CRIM1: variants seen among roughly 807,000 people sequenced by gnomAD.
The protein encoded by CRIM1 is cysteine rich transmembrane BMP regulator 1.
CRIM1 carries 32 observed loss-of-function variants against 116.4 expected under a neutral mutation model. The observed-to-expected ratio is 0.27, with a 90% CI of 0.21 to 0.37. CRIM1 has a LOEUF of 0.37. CRIM1 is among the 10% of genes least tolerant of loss of function. The pLI, the probability that CRIM1 is intolerant of heterozygous loss-of-function variation, is 1.00. For synonymous variants in CRIM1, 590 were observed against 509.2 expected, an observed-to-expected ratio of 1.16 and a Z score of -2.13; for missense variants, 1,331 against 1,354.8, an observed-to-expected ratio of 0.98 and a Z score of 0.28.
At chr2:36,417,018 G>C (rs1438005728) in intron 2 of CRIM1, among the ~76,000 whole-genome samples, 1 of 152,190 alleles carries the variant, frequency 6.6e-6, no homozygotes, top group Non-Finnish European at 1.5e-5. Context: ...GGTCAGTTTA[G>C]ATGTTTCAGC....
rs1435778159 is a variant in CRIM1, at chr2:36,495,457, C to G, written c.1373-3762C>G. On this transcript the variant is annotated intron_variant, in intron 7 of 16. Coordinates refer to ENST00000280527, the MANE Select transcript of CRIM1 (RefSeq NM_016441.3). The stretch of plus-strand genomic sequence containing the variant: ...ATACTTTGCTCACACTCCCTCAAGC[C>G]TCTTTATTTATTTATTTATTTTTTT... Among the ~76,000 whole-genome samples, 7 of 148,186 alleles carry G rather than the reference C, an allele frequency of 4.7e-5. No individual in the cohort carries two copies. In the South Asian group the frequency reaches 1.3e-3, roughly 27 times the overall value.
At chr2:36,470,864 C>T (rs1678449664) in intron 5 of CRIM1, among the ~76,000 whole-genome samples, 1 of 152,078 alleles carries the variant, frequency 6.6e-6, no homozygotes. Context: ...AATTGAAAAC[C>T]TTCTGCAAAG....
chr2:36,445,693 A>G (rs940861269), intron 4 of CRIM1, among the ~76,000 whole-genome samples: 1 of 152,176 alleles, frequency 6.6e-6, no homozygotes, highest in Admixed American at 6.5e-5. Flanking sequence ...AGTTTAGCAT[A>G]TTCAGTGGAT....
chr2:36,360,439 TA>T lies in CRIM1; in HGVS notation c.331+3821del, dbSNP rs374661877. Among the ~76,000 whole-genome samples the T allele has an allele frequency of 4.4e-3, 677 of 152,348 alleles. 4 individuals are homozygous for T. The highest frequency in any genetic ancestry group is 0.015 in the African/African-American group (642 of 41,588). On this transcript the variant is annotated intron_variant, in intron 1 of 16. Coordinates refer to ENST00000280527, the MANE Select transcript of CRIM1 (RefSeq NM_016441.3). ...TTCCATCTTTTTCACCATTGCTATC[TA>T]AAAACGACCTCTTTCAGAACGCAAT...
intron 1 of CRIM1, among the ~76,000 whole-genome samples, chr2:36,372,713 A>G (rs997602): frequency 0.073 from 11,101 of 152,276 alleles, 545 homozygotes; most frequent in South Asian, 0.11. Context: ...TACGATGCTC[A>G]TCTCATACCT....
At chr2:36,547,321 C>G in intron 16 of CRIM1, 150 bp downstream of exon 16, 3 of 647,346 alleles carry the variant, frequency 4.6e-6, no homozygotes, top group Non-Finnish European at 8.2e-6. Flanking sequence ...TAGTATGAAT[C>G]AAATACATAG....
chr2:36,381,743 C>T (rs1186733654), intron 1 of CRIM1, among the ~76,000 whole-genome samples: 3 of 152,180 alleles, frequency 2.0e-5, no homozygotes, highest in Non-Finnish European at 4.4e-5. Flanking sequence ...GCCGAGATTA[C>T]GCTACTGTAC....
At chr2:36,400,576 A>G (rs1226207700) in intron 2 of CRIM1, among the ~76,000 whole-genome samples, 2 of 152,212 alleles carry the variant, frequency 1.3e-5, no homozygotes, top group Non-Finnish European at 2.9e-5. Context: ...AGTAGCAGTG[A>G]GAACAAAGAG....
intron 6 of CRIM1, among the ~76,000 whole-genome samples, chr2:36,477,484 C>T (rs1193126993): frequency 6.6e-6 from 1 of 152,204 alleles, no homozygotes; most frequent in Non-Finnish European, 1.5e-5. Flanking sequence ...CTCAGCCTGC[C>T]GGCCCAGAGA....
chr2:36,512,181 C>T (rs1200832732), intron 9 of CRIM1, 92 bp from the exon 10 acceptor site: 2 of 1,413,422 alleles, frequency 1.4e-6, no homozygotes, highest in African/African-American at 1.4e-5. Context: ...TGTTTAATAG[C>T]AATATCACTT....
At chr2:36,529,657 C>T (rs1286704124) in intron 13 of CRIM1, 3 of 155,858 alleles carry the variant, frequency 1.9e-5, no homozygotes, top group African/African-American at 7.2e-5. Context: ...ATGCTTAACA[C>T]AAGGAGTAAG....
At chr2:36,379,221 G>A (rs1670546724) in intron 1 of CRIM1, 1 of 152,074 alleles carries the variant, frequency 6.6e-6, no homozygotes, top group Non-Finnish European at 1.5e-5. Context: ...AAATTTATCA[G>A]TGCAAATGAG....
At chr2:36,376,255 C>T (rs923172583) in intron 1 of CRIM1, among the ~76,000 whole-genome samples, 1 of 152,154 alleles carries the variant, frequency 6.6e-6, no homozygotes, top group Non-Finnish European at 1.5e-5. Flanking sequence ...TTATTTATTG[C>T]CAAAAGCTTC....
rs949280967 is a variant in CRIM1, at chr2:36,537,154, G to A, written c.2429-198G>A. Among the ~76,000 whole-genome samples the A allele has an allele frequency of 2.0e-5, 3 of 152,180 alleles. No homozygotes were observed. The South Asian group carries it at 6.2e-4, about 32-fold the overall frequency. ...TTGTGGTAGTGACCACCCTGTGCTA[G>A]CCTCAGTGGCCACAAGATGAGAGCC... On this transcript the variant is annotated intron_variant, in intron 13 of 16. Coordinates refer to ENST00000280527, the MANE Select transcript of CRIM1 (RefSeq NM_016441.3).
At chr2:36,431,792 C>A (rs1674913946) in intron 2 of CRIM1, among the ~76,000 whole-genome samples, 1 of 152,186 alleles carries the variant, frequency 6.6e-6, no homozygotes, top group Non-Finnish European at 1.5e-5. Context: ...AGGAGACACC[C>A]ACAAGGGCCA....
At chr2:36,366,033 A>G (rs137980834) in intron 1 of CRIM1, among the ~76,000 whole-genome samples, 1 of 152,338 alleles carries the variant, frequency 6.6e-6, no homozygotes, top group Non-Finnish European at 1.5e-5. Flanking sequence ...GCCCAGAACT[A>G]CATTTGCTTA....
intron 5 of CRIM1, among the ~76,000 whole-genome samples, chr2:36,476,232 A>G (rs1678964399): frequency 6.6e-6 from 1 of 152,038 alleles, no homozygotes; most frequent in Non-Finnish European, 1.5e-5. Flanking sequence ...TTGAAGAGCT[A>G]CTGTTTTGGC....
chr2:36,493,680 G>A (rs2125073849), intron 7 of CRIM1, among the ~76,000 whole-genome samples: 1 of 152,250 alleles, frequency 6.6e-6, no homozygotes, highest in Middle Eastern at 3.4e-3. Flanking sequence ...TATTTCTGAG[G>A]GAGAACCAGC....
intron 2 of CRIM1, among the ~76,000 whole-genome samples, chr2:36,408,731 A>G (rs1672996255): frequency 1.3e-5 from 2 of 152,150 alleles, no homozygotes; most frequent in African/African-American, 2.4e-5. Context: ...TTCCAAGACC[A>G]TGATCTGGGA....
Sources: gnomAD v4.1 joint callset for allele counts (sites outside exome capture counted in the v4.1 genomes callset) on GRCh38, gnomAD v4.1.1 for gene constraint, MANE v1.5 for transcripts, NCBI Gene and HGNC (gene_info 2026-07-23, HGNC 2026-07-21) for gene names.